SRPK2: variants seen among roughly 807,000 people sequenced by gnomAD.
SRPK2 encodes SRSF protein kinase 2, also known as SFRS protein kinase 2.
A neutral mutation model predicts 90.8 loss-of-function variants in SRPK2; 21 were observed. The observed-to-expected ratio is 0.23, with a 90% confidence interval of 0.16 to 0.33. The LOEUF (loss-of-function observed/expected upper bound fraction) is 0.33. Among genes scored for constraint, SRPK2 ranks in the 10% least tolerant of loss-of-function variants. SRPK2 has a pLI of 1.00. For synonymous variants in SRPK2, 288 were observed against 311.1 expected (o/e 0.93, Z 0.78); for missense variants, 620 against 869.0 (o/e 0.71, Z 3.60).
At position 105,244,961 on chromosome 7, in the gene SRPK2, G is replaced by A. The variant is rs1038678156; in HGVS notation, c.72-41176C>T. The A allele has an allele frequency of 2.1e-5, 30 of 1,414,430 alleles. No homozygotes were observed. The African/African-American group carries it at 2.4e-4, about 11-fold the overall frequency. 87.6% of individuals were successfully genotyped at this position (1,414,430 alleles called of 1,614,324 possible). On this transcript the variant is annotated intron_variant, in intron 2 of 15. Transcript: ENST00000393651. ...CCGCCATGAGGAAAGCCGCTGCCAA[G>A]AAAGACTGAGCCCCCTTCCCTGCCC...
At chr7:105,291,749 TAAATA>T (rs767827019) in intron 2 of SRPK2, among the ~76,000 whole-genome samples, 4 of 151,184 alleles carry the variant, frequency 2.6e-5, no homozygotes, top group Non-Finnish European at 4.4e-5. Context: ...GGGTCTCAAA[TAAATA>T]AAATAAAGGC....
At chr7:105,225,460 A>G (rs1798597777) in intron 2 of SRPK2, among the ~76,000 whole-genome samples, 1 of 152,190 alleles carries the variant, frequency 6.6e-6, no homozygotes, top group Non-Finnish European at 1.5e-5. Context: ...TCCTGAATGA[A>G]GTATGGCAGA....
chr7:105,295,863 A>G (rs956233678), intron 2 of SRPK2, among the ~76,000 whole-genome samples: 4 of 152,234 alleles, frequency 2.6e-5, no homozygotes, highest in African/African-American at 7.2e-5. Flanking sequence ...AGGTTCCACA[A>G]TGACAGATAC....
chr7:105,252,145 T>G (rs3735372), intron 2 of SRPK2, among the ~76,000 whole-genome samples: 27,763 of 152,066 alleles, frequency 0.18, 3,204 homozygotes, highest in East Asian at 0.58. Context: ...TGACAGAAAA[T>G]TAAGCAGCTC....
At chr7:105,132,707 A>T in intron 13 of SRPK2, 84 bp downstream of exon 13, 1 of 1,115,408 alleles carries the variant, frequency 9.0e-7, no homozygotes, top group Non-Finnish European at 1.3e-6. Flanking sequence ...CTGAGGTCGC[A>T]TGCCTCAGAG....
chr7:105,276,856 A>G (rs1806570195), intron 2 of SRPK2, among the ~76,000 whole-genome samples: 1 of 152,222 alleles, frequency 6.6e-6, no homozygotes, highest in Non-Finnish European at 1.5e-5. Flanking sequence ...ACGCTTCTTC[A>G]GAAGTCAGAG....
intron 2 of SRPK2, among the ~76,000 whole-genome samples, chr7:105,347,008 C>T: frequency 6.6e-6 from 1 of 150,752 alleles, no homozygotes; most frequent in Non-Finnish European, 1.5e-5. Context: ...TGCCCGGGAA[C>T]CATAAAATTA....
chr7:105,147,213 C>G (rs1232490782), intron 7 of SRPK2, among the ~76,000 whole-genome samples: 2 of 152,120 alleles, frequency 1.3e-5, no homozygotes, highest in Non-Finnish European at 2.9e-5. Context: ...GGATTCTGAT[C>G]AACAGTAGGC....
At chr7:105,226,980 T>C (rs908637668) in intron 2 of SRPK2, among the ~76,000 whole-genome samples, 1 of 152,196 alleles carries the variant, frequency 6.6e-6, no homozygotes, top group Non-Finnish European at 1.5e-5. Flanking sequence ...CAGTGATTTC[T>C]GTCATCTGCT....
intron 15 of SRPK2, among the ~76,000 whole-genome samples, chr7:105,118,856 A>G (rs1346209316): frequency 1.3e-5 from 2 of 152,140 alleles, no homozygotes. Context: ...GGCTGCAGTG[A>G]GTCAAGGTCA....
intron 2 of SRPK2, among the ~76,000 whole-genome samples, chr7:105,363,494 A>G (rs200323254): frequency 2.0e-5 from 3 of 152,156 alleles, no homozygotes; most frequent in Non-Finnish European, 4.4e-5. Flanking sequence ...TCTCACACCA[A>G]TTAGAATGGC....
At chr7:105,372,025 C>T (rs1237166515) in intron 2 of SRPK2, among the ~76,000 whole-genome samples, 1 of 151,176 alleles carries the variant, frequency 6.6e-6, no homozygotes, top group African/African-American at 2.4e-5. Flanking sequence ...GTCCCAGTTA[C>T]TCAGGAGGCT....
chr7:105,197,470 A>G lies in SRPK2; in HGVS notation c.229+6158T>C, dbSNP rs1426641454. Among the ~76,000 whole-genome samples the G allele has an allele frequency of 3.3e-5, 5 of 152,198 alleles. No individual in the cohort carries two copies. The East Asian group carries it at 9.6e-4, about 29-fold the overall frequency. On this transcript the variant is annotated intron_variant, in intron 3 of 15. Coordinates refer to ENST00000393651, the MANE Select transcript of SRPK2 (RefSeq NM_182692.3). ...TGCCAGTCAGCATGCCAGCCTGCTC[A>G]TGCCGACATGCCTTCCCCAGATCCA...
At chr7:105,303,017 C>G (rs1810734489) in intron 2 of SRPK2, among the ~76,000 whole-genome samples, 1 of 151,780 alleles carries the variant, frequency 6.6e-6, no homozygotes, top group African/African-American at 2.4e-5. Flanking sequence ...GAGCTTGCAG[C>G]AAGCCTAGTT....
intron 2 of SRPK2, among the ~76,000 whole-genome samples, chr7:105,349,870 C>G (rs1816948307): frequency 6.6e-6 from 1 of 152,032 alleles, no homozygotes; most frequent in Non-Finnish European, 1.5e-5. Context: ...TCCTGCATAG[C>G]TGGGATTACA....
chr7:105,280,659 G>C (rs1215224201), intron 2 of SRPK2, among the ~76,000 whole-genome samples: 3 of 49,862 alleles, frequency 6.0e-5, no homozygotes, highest in East Asian at 2.7e-4. Context: ...AAAAAAAAGG[G>C]GGGGGGGGCC....
chr7:105,382,875 T>C (rs1006368683), intron 2 of SRPK2, among the ~76,000 whole-genome samples: 2 of 152,088 alleles, frequency 1.3e-5, no homozygotes, highest in Non-Finnish European at 2.9e-5. Flanking sequence ...GTAAAACTGA[T>C]AAAATCCAAG....
chr7:105,223,699 T>A (rs1266693784), intron 2 of SRPK2, among the ~76,000 whole-genome samples: 1 of 152,186 alleles, frequency 6.6e-6, no homozygotes, highest in Non-Finnish European at 1.5e-5. Flanking sequence ...TCCACATACA[T>A]CTCTCTCCTT....
intron 3 of SRPK2, among the ~76,000 whole-genome samples, chr7:105,171,011 A>AAGAG (rs1245235839): frequency 8.3e-6 from 1 of 119,936 alleles, no homozygotes; most frequent in East Asian, 2.1e-4. Flanking sequence ...GAAAGAAAGA[A>AAGAG]AGAGAGGAAG....
Sources: allele counts gnomAD v4.1 joint callset (sites outside exome capture counted in the v4.1 genomes callset), GRCh38; gene constraint gnomAD v4.1.1; transcripts MANE v1.5; gene names NCBI Gene and HGNC (gene_info 2026-07-23, HGNC 2026-07-21).